CPLANE1: variants seen among roughly 807,000 people sequenced by gnomAD.
CPLANE1 encodes the protein ciliogenesis and planar polarity effector complex subunit 1.
Under a neutral mutation model 362.5 loss-of-function variants are expected in CPLANE1, and 263 were observed. That is an observed-to-expected ratio of 0.73 (90% CI 0.66 to 0.80). The LOEUF is 0.80. Among genes scored for constraint, CPLANE1 ranks in the 30% least tolerant of loss-of-function variants. The pLI, the probability that CPLANE1 is intolerant of heterozygous loss-of-function variation, is 0.00. For missense variants in CPLANE1, 3,461 were observed against 3,793.4 expected (o/e 0.91, Z 2.30); for synonymous variants, 1,212 against 1,302.6 (o/e 0.93, Z 1.50).
At chr5:37,180,221 T>C (rs1241617190) in intron 27 of CPLANE1, 38 bp from the exon 28 acceptor site, 32 of 1,367,640 alleles carry the variant, frequency 2.3e-5, no homozygotes, top group Non-Finnish European at 2.8e-5. Context: ...CAACTATTCT[T>C]GGAGATAAAG....
Position 37,111,371 on chromosome 5 carries a change from G to A in CPLANE1, c.9401-2900C>T, listed in dbSNP as rs374615859. Among the ~76,000 whole-genome samples the A allele has an allele frequency of 7.2e-5, 11 of 151,934 alleles. No individual in the cohort carries two copies. The East Asian group carries it at 7.7e-4, about 11-fold the overall frequency. ...GATCTCCTGACCTCATGATCCGCCC[G>A]CCTCGGCCTCCCAAAGTGCTGGGAT... On this transcript the variant is annotated intron_variant, in intron 51 of 52. Coordinates refer to ENST00000651892, the MANE Select transcript of CPLANE1 (RefSeq NM_001384732.1).
intron 12 of CPLANE1, 60 bp from the exon 13 acceptor site, chr5:37,224,800 T>A: frequency 8.6e-7 from 1 of 1,158,552 alleles, no homozygotes; most frequent in Non-Finnish European, 1.2e-6. Flanking sequence ...GAGTTTAGCC[T>A]CCTTTTTAGC....
chr5:37,148,083 GA>G, intron 43 of CPLANE1, 97 bp downstream of exon 43: 1 of 612,142 alleles, frequency 1.6e-6, no homozygotes, highest in Non-Finnish European at 2.5e-6. Context: ...CTCACATAAT[GA>G]AAACTACTCC....
chr5:37,202,684 T>A (rs1789537061), intron 18 of CPLANE1, among the ~76,000 whole-genome samples: 1 of 152,222 alleles, frequency 6.6e-6, no homozygotes, highest in Middle Eastern at 3.4e-3. Context: ...TACTGTAAAA[T>A]ATAGAATATA....
intron 43 of CPLANE1, among the ~76,000 whole-genome samples, chr5:37,143,739 GC>G (rs1363011649): frequency 2.0e-5 from 3 of 151,814 alleles, no homozygotes; most frequent in African/African-American, 7.3e-5. Flanking sequence ...TTCGAGAACA[GC>G]CTGACCAAAA....
chr5:37,153,971 T>A lies in CPLANE1; in HGVS notation c.8142A>T (p.Arg2714=). The A allele has an allele frequency of 1.2e-6, 2 of 1,611,586 alleles. No homozygotes were observed. The highest frequency in any genetic ancestry group is 1.7e-6 in the Non-Finnish European group (2 of 1,178,228). Residue 2714 remains arginine (R), a synonymous_variant, in exon 42 of 53, where the codon CGA becomes CGT. Coordinates refer to ENST00000651892, the MANE Select transcript of CPLANE1 (RefSeq NM_001384732.1). ...QNKGLPKPEF[R]FKGQSTKSDS... ...CTGACTTTGTGCTCTGTCCTTTGAA[T>A]CGGAACTCTGGTTTTGGCAGACCTA...
intron 42 of CPLANE1, among the ~76,000 whole-genome samples, chr5:37,149,094 G>A (rs1220058868): frequency 6.6e-6 from 1 of 152,112 alleles, no homozygotes; most frequent in Non-Finnish European, 1.5e-5. Context: ...GTGTGTGTGT[G>A]TGTATACAAA....
At chr5:37,239,485 A>G (rs1206979786) in intron 7 of CPLANE1, among the ~76,000 whole-genome samples, 1 of 145,874 alleles carries the variant, frequency 6.9e-6, no homozygotes, top group East Asian at 2.2e-4. Context: ...TGGGGGGCTG[A>G]GGTGAGAGGA....
rs973679173 is a variant in CPLANE1, at chr5:37,184,824, G to A, written c.4445C>T (p.Ser1482Leu). The stretch of plus-strand genomic sequence containing the variant: ...ATTTATCCTACTTTTTTCTTCAACC[G>A]ACAAAGCTTCAGAGAACGTATCTGC... ...SDADTFSEAL[S>L]VEEKSRINIY... is the part of the protein sequence containing the mutation. The change falls in exon 25 of 53, where the codon TCG (serine) becomes TTG (leucine). Residue 1482 changes from serine (S) to leucine (L), a missense_variant. This residue lies in a region of CPLANE1 where 3,380 missense variants were observed against 3,666.1 expected (regional missense o/e 0.92). Transcript: ENST00000651892. The A allele has an allele frequency of 5.6e-6, 9 of 1,609,682 alleles. No homozygotes were observed. The highest frequency in any genetic ancestry group is 1.7e-4 in the Middle Eastern group (1 of 6,048).
chr5:37,209,884 A>G lies in CPLANE1; in HGVS notation c.2921-3459T>C. ...ACATTTAGCAGAGATTCTCTGGCTG[A>G]GAAGCTTCAGCTTATTGATGATCAG... On this transcript the variant is annotated intron_variant, in intron 16 of 52. Coordinates refer to ENST00000651892, the MANE Select transcript of CPLANE1 (RefSeq NM_001384732.1). The surrounding 1 kb of genome is among the most constrained non-coding windows in gnomAD (Gnocchi z 4.6). The G allele has an allele frequency of 1.4e-6, 2 of 1,442,274 alleles. No individual in the cohort carries two copies. Among genetic ancestry groups the G allele is most frequent in the South Asian group, 2.3e-5 (2 of 87,544 alleles). 89.3% of individuals were successfully genotyped at this position (1,442,274 alleles called of 1,614,324 possible).
At position 37,106,993 on chromosome 5, in the gene CPLANE1, C is replaced by T; in HGVS notation, c.*609G>A. 1.0e-6 allele frequency: 1 copy of T among 985,464 alleles called. No individual in the cohort carries two copies. Among genetic ancestry groups the T allele is most frequent in the Non-Finnish European group, 1.2e-6 (1 of 829,954 alleles). 61.0% of individuals were successfully genotyped at this position (985,464 alleles called of 1,614,324 possible). On this transcript the variant is annotated 3_prime_UTR_variant, in exon 53 of 53. Transcript: ENST00000651892. The stretch of plus-strand genomic sequence containing the variant: ...TATTCCCTTACTTTCCTGCCCAAAG[C>T]ATCCATTCCTGTTTCTTCCTCCAAG...
intron 44 of CPLANE1, chr5:37,141,033 C>T: frequency 1.0e-6 from 1 of 985,342 alleles, no homozygotes; most frequent in Non-Finnish European, 1.2e-6. Context: ...AACCACGTTC[C>T]CCCTCTCCTC....
chr5:37,120,358 T>C lies in CPLANE1; in HGVS notation c.9186-18A>G, dbSNP rs750241465. The C allele has an allele frequency of 6.5e-7, 1 of 1,540,936 alleles. No individual in the cohort carries two copies. Among genetic ancestry groups the C allele is most frequent in the African/African-American group, 1.4e-5 (1 of 70,168 alleles). Reference sequence around the variant, plus strand: ...GATTCTCTCTATAGTAGAAATCACATAATTATTACATTCCCAGAATCTCAT... The same window carrying C: ...GATTCTCTCTATAGTAGAAATCACACAATTATTACATTCCCAGAATCTCAT... On this transcript the variant is annotated intron_variant, in intron 49 of 52. Coordinates refer to ENST00000651892, the MANE Select transcript of CPLANE1 (RefSeq NM_001384732.1).
chr5:37,187,534 G>A lies in CPLANE1; in HGVS notation c.3960C>T (p.His1320=). Residue 1320 remains histidine (H), a synonymous_variant, in exon 23 of 53, where the codon CAC becomes CAT. Transcript: ENST00000651892. ...EVEFDSCMIE[H]CLSAVEWAYR... ...AAGCCCATTCCACTGCACTAAGACAGTGCTCAATCATACAAGAATCAAACT... is the reference window on the plus strand; with the variant it reads ...AAGCCCATTCCACTGCACTAAGACAATGCTCAATCATACAAGAATCAAACT... 1 of 1,609,600 alleles carries A rather than the reference G, an allele frequency of 6.2e-7. No homozygotes were observed.
At chr5:37,132,755 T>A (rs1000723754) in intron 46 of CPLANE1, among the ~76,000 whole-genome samples, 7 of 152,190 alleles carry the variant, frequency 4.6e-5, no homozygotes, top group Non-Finnish European at 7.3e-5. Flanking sequence ...TGTTGATTAT[T>A]TTGCTGTGCA....
intron 19 of CPLANE1, among the ~76,000 whole-genome samples, chr5:37,199,569 CCA>C (rs1436358630): frequency 2.0e-5 from 3 of 152,168 alleles, no homozygotes; most frequent in African/African-American, 7.2e-5. Context: ...CTTCGTATGG[CCA>C]CAGTGTTCAC....
intron 32 of CPLANE1, among the ~76,000 whole-genome samples, chr5:37,170,694 T>C (rs926330729): frequency 1.3e-5 from 2 of 152,130 alleles, no homozygotes; most frequent in African/African-American, 4.8e-5. Context: ...TCCCAGCATT[T>C]TGGGAGGCCG....
chr5:37,221,647 AT>A (rs1424990788), intron 14 of CPLANE1, among the ~76,000 whole-genome samples, 159 bp from the exon 15 acceptor site: 1 of 152,024 alleles, frequency 6.6e-6, no homozygotes, highest in African/African-American at 2.4e-5. Context: ...TCAATAAATG[AT>A]TTTTTTCACA....
intron 14 of CPLANE1, among the ~76,000 whole-genome samples, chr5:37,222,124 T>C (rs13166829): frequency 0.18 from 27,117 of 152,050 alleles, 2,812 homozygotes; most frequent in East Asian, 0.31. Flanking sequence ...CTACCTCTTA[T>C]CCATTCTTTC....
Sources: allele counts gnomAD v4.1 joint callset (sites outside exome capture counted in the v4.1 genomes callset), GRCh38; gene constraint gnomAD v4.1.1; regional missense constraint gnomAD v4.1.1; non-coding constraint Gnocchi (gnomAD v3.1); transcripts MANE v1.5; gene names NCBI Gene and HGNC (gene_info 2026-07-23, HGNC 2026-07-21).